Variants in SHC4 observed in about 807,000 individuals in gnomAD.
SHC4 encodes the protein SHC adaptor protein 4.
Under a neutral mutation model 69.4 loss-of-function variants are expected in SHC4, and 41 were observed. That is an observed-to-expected ratio of 0.59 (90% CI 0.46 to 0.77). SHC4 has a LOEUF of 0.77. SHC4 is among the 30% of genes least tolerant of loss of function. SHC4 has a pLI of 0.00. For missense variants in SHC4, 777 were observed against 783.8 expected (o/e 0.99, Z 0.10); for synonymous variants, 318 against 299.3 (o/e 1.06, Z -0.64).
rs185703098 is a variant in SHC4 at position 48,909,570 on chromosome 15, G to A, written c.656+15309C>T. 3.3e-5 allele frequency among the ~76,000 whole-genome samples: 5 copies of A among 152,150 alleles called. No homozygotes were observed. In the East Asian group the frequency reaches 7.7e-4, roughly 23 times the overall value. On this transcript the variant is annotated intron_variant, in intron 2 of 11. Transcript: ENST00000332408. ...TTTCTTTCTCTTGTCTGATTGCTCC[G>A]GCTAGGACTTCCACTACTATGTTGA...
chr15:48,829,414 G>T (rs1026040573), intron 11 of SHC4, among the ~76,000 whole-genome samples: 2 of 152,020 alleles, frequency 1.3e-5, no homozygotes, highest in African/African-American at 4.8e-5. Context: ...TGGGTACCCT[G>T]ATGTGCATAT....
intron 2 of SHC4, among the ~76,000 whole-genome samples, chr15:48,900,737 GCACATTGGACTA>G (rs1355255597): frequency 6.6e-6 from 1 of 152,134 alleles, no homozygotes; most frequent in East Asian, 1.9e-4. Context: ...AGCCTTGGCT[GCACATTGGACTA>G]CACCACCAAG....
chr15:48,852,376 T>C (rs1429492460), intron 8 of SHC4, among the ~76,000 whole-genome samples: 2 of 152,218 alleles, frequency 1.3e-5, no homozygotes, highest in Non-Finnish European at 2.9e-5. Context: ...GATCAATGTA[T>C]GATAATCAGC....
At chr15:48,878,279 A>C (rs1422282695) in intron 4 of SHC4, 2 of 1,613,680 alleles carry the variant, frequency 1.2e-6, no homozygotes. Flanking sequence ...GGAGGTAGGC[A>C]GCGGGAGCCG....
rs762123040 is a variant in SHC4 at position 48,962,714 on chromosome 15, A to C, written c.302T>G (p.Leu101Trp). 1.9e-6 allele frequency: 3 copies of C among 1,614,060 alleles called. No individual in the cohort carries two copies. Among genetic ancestry groups the C allele is most frequent in the East Asian group, 2.2e-5 (1 of 44,868 alleles). The change falls in exon 1 of 12, where the codon TTG becomes TGG. Residue 101 changes from leucine (L) to tryptophan (W), a missense_variant. By Grantham distance (61) the Leu-to-Trp change is moderately conservative. Transcript: ENST00000332408. ...CAGGCAAAAGTTTTTCAGACTCAGC[A>C]AAGTGGCCGGGTTGGCCAGCTTCAT... ...ASMKLANPATLLSLKNFCLGT... is the reference protein window; with the variant it reads ...ASMKLANPATWLSLKNFCLGT...
At chr15:48,903,052 G>T (rs1455495925) in intron 2 of SHC4, among the ~76,000 whole-genome samples, 1 of 152,214 alleles carries the variant, frequency 6.6e-6, no homozygotes, top group African/African-American at 2.4e-5. Flanking sequence ...AAGAGACACA[G>T]ATGATCTGGA....
At chr15:48,894,565 C>T (rs964781162) in intron 2 of SHC4, among the ~76,000 whole-genome samples, 2 of 152,152 alleles carry the variant, frequency 1.3e-5, no homozygotes, top group Admixed American at 1.3e-4. Context: ...TCTCTGCTCC[C>T]ATTCCAGCTT....
chr15:48,840,576 A>T (rs937586594), intron 10 of SHC4, among the ~76,000 whole-genome samples: 2 of 152,158 alleles, frequency 1.3e-5, no homozygotes, highest in African/African-American at 4.8e-5. Flanking sequence ...AAATAGAAGG[A>T]TCCATTATGG....
At chr15:48,915,322 A>C (rs1050124017) in intron 2 of SHC4, among the ~76,000 whole-genome samples, 1 of 152,234 alleles carries the variant, frequency 6.6e-6, no homozygotes, top group Non-Finnish European at 1.5e-5. Context: ...TGCTATCAGA[A>C]CCATTCCCAA....
intron 6 of SHC4, among the ~76,000 whole-genome samples, chr15:48,858,180 G>A (rs1354788473): frequency 2.6e-5 from 4 of 152,166 alleles, no homozygotes; most frequent in African/African-American, 9.7e-5. Context: ...CACAGAAGGC[G>A]AAGTTTGAGG....
At chr15:48,859,378 G>A (rs1343015067) in intron 6 of SHC4, among the ~76,000 whole-genome samples, 1 of 150,926 alleles carries the variant, frequency 6.6e-6, no homozygotes, top group Non-Finnish European at 1.5e-5. Flanking sequence ...ATCAAACAAT[G>A]CTAAGGTATC....
intron 1 of SHC4, among the ~76,000 whole-genome samples, chr15:48,927,292 G>T (rs1900871294): frequency 6.6e-6 from 1 of 152,122 alleles, no homozygotes; most frequent in African/African-American, 2.4e-5. Flanking sequence ...CTGCAGTCCT[G>T]GCTCTGGAAA....
rs557978699 is a variant in SHC4, at chr15:48,837,276, AAG to A, written c.1484-2256_1484-2255del. 2.7e-3 allele frequency among the ~76,000 whole-genome samples: 417 copies of A among 152,336 alleles called. 2 individuals carry two copies. Among genetic ancestry groups the A allele is most frequent in the African/African-American group, 9.7e-3 (405 of 41,576 alleles). On this transcript the variant is annotated intron_variant, in intron 10 of 11. Transcript: ENST00000332408. ...CAGTTTCCCAAATTAGCAGAAGGAC[AAG>A]ATACTCCGCTGGGAGATTTCAATCA...
At chr15:48,831,551 C>G (rs759861370) in intron 11 of SHC4, among the ~76,000 whole-genome samples, 6 of 152,200 alleles carry the variant, frequency 3.9e-5, no homozygotes, top group Non-Finnish European at 8.8e-5. Context: ...TATAGGTTTG[C>G]AACCTACAAG....
intron 2 of SHC4, among the ~76,000 whole-genome samples, chr15:48,907,397 A>AT (rs1305977520): frequency 6.7e-6 from 1 of 150,222 alleles, no homozygotes; most frequent in African/African-American, 2.5e-5. Context: ...TAATTTTTGT[A>AT]TTTTTTTTGA....
At chr15:48,859,630 G>T (rs1899399921) in intron 6 of SHC4, among the ~76,000 whole-genome samples, 1 of 152,150 alleles carries the variant, frequency 6.6e-6, no homozygotes, top group South Asian at 2.1e-4. Flanking sequence ...TTTGTTGAAT[G>T]AATAAATAGT....
At chr15:48,912,667 G>T (rs1900530187) in intron 2 of SHC4, among the ~76,000 whole-genome samples, 1 of 152,144 alleles carries the variant, frequency 6.6e-6, no homozygotes. Flanking sequence ...GAAGAGCCTT[G>T]TTTTGTCATA....
chr15:48,872,624 C>T (rs1356460608), intron 4 of SHC4, among the ~76,000 whole-genome samples: 1 of 152,182 alleles, frequency 6.6e-6, no homozygotes, highest in Non-Finnish European at 1.5e-5. Flanking sequence ...ACATTTGTTC[C>T]ATCACTTTAA....
At chr15:48,892,342 T>C (rs897899267) in intron 2 of SHC4, among the ~76,000 whole-genome samples, 6 of 152,184 alleles carry the variant, frequency 3.9e-5, no homozygotes, top group Non-Finnish European at 7.3e-5. Context: ...GGTATTATCT[T>C]GTCTGATTTT....
Sources: allele counts gnomAD v4.1 joint callset (sites outside exome capture counted in the v4.1 genomes callset), GRCh38; gene constraint gnomAD v4.1.1; transcripts MANE v1.5; gene names NCBI Gene and HGNC (gene_info 2026-07-23, HGNC 2026-07-21).